The following LRRC7 variants were observed in gnomAD, a reference collection of about 807,000 sequenced individuals.
LRRC7 encodes leucine rich repeat containing 7.
LRRC7 carries 23 observed loss-of-function variants against 175.7 expected under a neutral mutation model. The observed-to-expected ratio is 0.13, with a 90% CI of 0.09 to 0.19. LRRC7 has a LOEUF of 0.19. LRRC7 is among the 10% of genes least tolerant of loss of function. The pLI is 1.00. For synonymous variants in LRRC7, 685 were observed against 680.9 expected (o/e 1.01, Z -0.09); for missense variants, 1,354 against 1,904.7 (o/e 0.71, Z 5.38).
intron 23 of LRRC7, among the ~76,000 whole-genome samples, chr1:70,057,403 A>T (rs1661235030): frequency 6.6e-6 from 1 of 152,224 alleles, no homozygotes; most frequent in Non-Finnish European, 1.5e-5. Context: ...TTTCTATTTG[A>T]TTCTACAATG....
intron 7 of LRRC7, among the ~76,000 whole-genome samples, chr1:69,878,810 G>GTA (rs1308045204): frequency 2.7e-5 from 4 of 148,058 alleles, no homozygotes; most frequent in African/African-American, 7.4e-5. Context: ...ATAAATAAAT[G>GTA]TATATATATA....
intron 8 of LRRC7, among the ~76,000 whole-genome samples, chr1:69,947,157 AGTGAATCTCTT>A (rs1649425737): frequency 6.6e-6 from 1 of 150,742 alleles, no homozygotes; most frequent in African/African-American, 2.4e-5. Context: ...ATAAATCTAA[AGTGAATCTCTT>A]GTAGACAGCT....
At chr1:69,900,920 C>T (rs1570569027) in intron 7 of LRRC7, among the ~76,000 whole-genome samples, 1 of 152,122 alleles carries the variant, frequency 6.6e-6, no homozygotes, top group East Asian at 1.9e-4. Context: ...TTCATTTAGC[C>T]ACTATAAATA....
chr1:69,643,536 C>T (rs965218396), intron 1 of LRRC7, among the ~76,000 whole-genome samples: 20 of 152,126 alleles, frequency 1.3e-4, no homozygotes, highest in Admixed American at 1.1e-3. Flanking sequence ...TGGTGTGTCC[C>T]ACATTCTTTT....
At chr1:69,691,937 TA>T (rs1223715323) in intron 2 of LRRC7, among the ~76,000 whole-genome samples, 1 of 152,058 alleles carries the variant, frequency 6.6e-6, no homozygotes, top group Non-Finnish European at 1.5e-5. Context: ...TGAAACCAAT[TA>T]AAATATTGAC....
At chr1:69,929,039 G>A (rs1009255035) in intron 7 of LRRC7, among the ~76,000 whole-genome samples, 2 of 152,102 alleles carry the variant, frequency 1.3e-5, no homozygotes, top group African/African-American at 2.4e-5. Flanking sequence ...TCACTTTTCA[G>A]TTTTACTTAT....
At chr1:69,943,130 T>G (rs573540484) in intron 8 of LRRC7, among the ~76,000 whole-genome samples, 1 of 152,266 alleles carries the variant, frequency 6.6e-6, no homozygotes, top group South Asian at 2.1e-4. Flanking sequence ...AAATGCTATG[T>G]TCACACAAAA....
intron 23 of LRRC7, among the ~76,000 whole-genome samples, chr1:70,067,993 A>T (rs1487927849): frequency 6.6e-6 from 1 of 152,052 alleles, no homozygotes; most frequent in Non-Finnish European, 1.5e-5. Context: ...CTCACTCATT[A>T]GTTTTAGATT....
intron 22 of LRRC7, among the ~76,000 whole-genome samples, chr1:70,052,635 A>G (rs984479563): frequency 1.3e-5 from 2 of 152,098 alleles, no homozygotes; most frequent in African/African-American, 4.8e-5. Flanking sequence ...CTTATATTCT[A>G]TGTATTGTAT....
intron 2 of LRRC7, among the ~76,000 whole-genome samples, chr1:69,755,495 G>A (rs1330218045): frequency 6.7e-6 from 1 of 149,096 alleles, no homozygotes; most frequent in Non-Finnish European, 1.5e-5. Context: ...ATACAAGAAA[G>A]ATGTATATAT....
rs183048813 is a variant in LRRC7, at chr1:69,783,701, G to A, written c.304-8342G>A. ...TGGGAGGAGGAGGTTGCAGTGAGCC[G>A]AGATCACGCCACTGCACTCCAGCCT... On this transcript the variant is annotated intron_variant, in intron 3 of 26. Coordinates refer to ENST00000651989, the MANE Select transcript of LRRC7 (RefSeq NM_001370785.2). 2.2e-4 allele frequency among the ~76,000 whole-genome samples: 31 copies of A among 138,210 alleles called. No homozygotes were observed. The Admixed American group carries it at 2.3e-3, about 10-fold the overall frequency. The allele number at this position is 138,210 out of a possible 152,430, so 90.7% of individuals were successfully genotyped here. A position where few individuals can be genotyped will look rare whatever the true frequency, so the allele number is the denominator to read the frequency against.
rs535859191 is a variant in LRRC7, at chr1:70,007,257, T to A, written c.1005-4540T>A. On this transcript the variant is annotated intron_variant, in intron 11 of 26. Transcript: ENST00000651989. Reference sequence around the variant, plus strand: ...GCATCCAGAAAGACGCTTATCACTTTGGCAATTCCAAGGGTTTTAGGAATT... The same window carrying A: ...GCATCCAGAAAGACGCTTATCACTTAGGCAATTCCAAGGGTTTTAGGAATT... Among the ~76,000 whole-genome samples, 5 of 152,314 alleles carry A rather than the reference T, an allele frequency of 3.3e-5. No homozygotes were observed. The South Asian group carries it at 8.3e-4, about 25-fold the overall frequency.
At chr1:69,841,632 C>A (rs1681742666) in intron 7 of LRRC7, among the ~76,000 whole-genome samples, 1 of 152,068 alleles carries the variant, frequency 6.6e-6, no homozygotes, top group Non-Finnish European at 1.5e-5. Flanking sequence ...TTCATCATAG[C>A]ACTTACCGCT....
chr1:70,066,182 T>G (rs139860243), intron 23 of LRRC7, among the ~76,000 whole-genome samples: 1 of 151,994 alleles, frequency 6.6e-6, no homozygotes, highest in Non-Finnish European at 1.5e-5. Context: ...TAGAGTGCTA[T>G]ATCTCCAGCA....
At chr1:69,835,927 T>C (rs1172981958) in intron 6 of LRRC7, among the ~76,000 whole-genome samples, 2 of 152,050 alleles carry the variant, frequency 1.3e-5, no homozygotes, top group Admixed American at 6.6e-5. Context: ...AGTAAAATTA[T>C]GAATAATTTT....
chr1:69,707,838 C>T (rs773465850), intron 2 of LRRC7, among the ~76,000 whole-genome samples: 1 of 152,096 alleles, frequency 6.6e-6, no homozygotes, highest in Non-Finnish European at 1.5e-5. Context: ...CCCAGACAGA[C>T]CAAGGTGAGA....
At chr1:69,760,027 G>T (rs1570655967) in intron 2 of LRRC7, 164 bp from the exon 3 acceptor site, 1 of 713,862 alleles carries the variant, frequency 1.4e-6, no homozygotes, top group Admixed American at 3.0e-5. Context: ...GTACTTCGCA[G>T]GGCTGTTTAA....
intron 7 of LRRC7, among the ~76,000 whole-genome samples, chr1:69,850,592 G>T (rs1051506891): frequency 6.6e-6 from 1 of 152,090 alleles, no homozygotes; most frequent in African/African-American, 2.4e-5. Flanking sequence ...GAGACAATGA[G>T]TGGGAAGATT....
chr1:70,015,946 T>A (rs1202617965), intron 13 of LRRC7, among the ~76,000 whole-genome samples: 2 of 152,112 alleles, frequency 1.3e-5, no homozygotes, highest in Admixed American at 1.3e-4. Flanking sequence ...ATCACAAAAA[T>A]AAATGTATAA....
Sources: gnomAD v4.1 joint callset for allele counts (sites outside exome capture counted in the v4.1 genomes callset) on GRCh38, gnomAD v4.1.1 for gene constraint, MANE v1.5 for transcripts, NCBI Gene and HGNC (gene_info 2026-07-23, HGNC 2026-07-21) for gene names.